The following ENOSF1 variants were observed in gnomAD, a reference collection of about 807,000 sequenced individuals.
The protein encoded by ENOSF1 is enolase superfamily member 1.
In ENOSF1, 73 loss-of-function variants were observed where a neutral mutation model predicts 68.2. The observed-to-expected ratio is 1.07, with a 90% CI of 0.89 to 1.30. The LOEUF is 1.30. Among genes scored for constraint, ENOSF1 ranks in the 50% most tolerant of loss-of-function variants. ENOSF1 has a pLI of 0.00. For missense variants in ENOSF1, 589 were observed against 554.5 expected (o/e 1.06, Z -0.62); for synonymous variants, 223 against 210.4 (o/e 1.06, Z -0.52).
downstream of ENOSF1, chr18:669,310 G>C: frequency 1.6e-6 from 1 of 627,584 alleles, no homozygotes; most frequent in South Asian, 2.2e-5. Flanking sequence ...TGTGACGTTG[G>C]GCAAGTCACA....
chr18:675,357 G>C lies in ENOSF1; in HGVS notation c.1194C>G (p.Pro398=), dbSNP rs748359200. The change falls in exon 15 of 16, where the codon CCC becomes CCG. Residue 398 remains proline, a synonymous_variant. Coordinates refer to ENST00000647584, the MANE Select transcript of ENOSF1 (RefSeq NM_017512.7). ...VDHLHEHFKY[P]VMIQRASYMP... ...TGTAGGAAGCCCGCTGGATCATCAC[G>C]GGATACTTGAAATGCTCATGCAGGT... 1.2e-6 allele frequency: 2 copies of C among 1,612,932 alleles called. No homozygotes were observed. Among genetic ancestry groups the C allele is most frequent in the Non-Finnish European group, 1.7e-6 (2 of 1,179,766 alleles).
At position 671,830 on chromosome 18, in the gene ENOSF1, T is replaced by C. The variant is rs986331803; in HGVS notation, c.*2475A>G. ...TCTTTCTCTGTCGGCCAGGCTGGAG[T>C]GTGCCGTGGTGCGATCTCAGCTCAC... On this transcript the variant is annotated 3_prime_UTR_variant, in exon 16 of 16. Transcript: ENST00000647584. 15 of 226,926 alleles carry C rather than the reference T, an allele frequency of 6.6e-5. No individual in the cohort carries two copies. Among genetic ancestry groups the C allele is most frequent in the African/African-American group, 3.1e-4 (13 of 41,868 alleles). 14.1% of individuals were successfully genotyped at this position (226,926 alleles called of 1,614,324 possible).
intron 8 of ENOSF1, among the ~76,000 whole-genome samples, chr18:689,567 C>T (rs1238448951): frequency 3.9e-5 from 6 of 152,190 alleles, no homozygotes; most frequent in Admixed American, 3.3e-4. Flanking sequence ...TAGGCGTGAG[C>T]CACTGCCCTC....
the ENOSF1 span, among the ~76,000 whole-genome samples, chr18:664,126 A>G: frequency 6.6e-6 from 1 of 150,880 alleles, no homozygotes; most frequent in Admixed American, 6.6e-5. Flanking sequence ...CATTTTCACG[A>G]TATTGATTCT....
Position 672,705 on chromosome 18 carries a change from A to G in ENOSF1, c.*1600T>C. On this transcript the variant is annotated 3_prime_UTR_variant, in exon 16 of 16. Transcript: ENST00000647584. The stretch of plus-strand genomic sequence containing the variant: ...GAGAACAGCTGGTTGCGCTCCAATC[A>G]TGTTACATAACCTACGGCAAGGTAT... 2.7e-6 allele frequency: 2 copies of G among 749,926 alleles called. No individual in the cohort carries two copies. Among genetic ancestry groups the G allele is most frequent in the Non-Finnish European group, 4.1e-6 (2 of 489,714 alleles). The allele number at this position is 749,926 out of a possible 1,614,324, so 46.5% of individuals were successfully genotyped here. A position where few individuals can be genotyped will look rare whatever the true frequency, so the allele number is the denominator to read the frequency against.
chr18:682,230 C>T (rs1219250114), intron 11 of ENOSF1, among the ~76,000 whole-genome samples: 1 of 152,120 alleles, frequency 6.6e-6, no homozygotes, highest in Non-Finnish European at 1.5e-5. Flanking sequence ...GAGTGTACGT[C>T]CATGACCCTA....
intron 1 of ENOSF1, chr18:712,290 G>T: frequency 2.6e-6 from 4 of 1,526,458 alleles, no homozygotes; most frequent in South Asian, 2.4e-5. Flanking sequence ...TCGAAGTCGG[G>T]AAGCTGCCCG....
At position 671,308 on chromosome 18, in the gene ENOSF1, C is replaced by A; in HGVS notation, c.*2997G>T. 3 of 1,025,476 alleles carry A rather than the reference C, an allele frequency of 2.9e-6. No individual in the cohort carries two copies. Among genetic ancestry groups the A allele is most frequent in the Non-Finnish European group, 3.1e-6 (2 of 646,952 alleles). The allele number at this position is 1,025,476 out of a possible 1,614,324, so 63.5% of individuals were successfully genotyped here. A position where few individuals can be genotyped will look rare whatever the true frequency, so the allele number is the denominator to read the frequency against. ...AAAAGCCTTGCGGTGTCTGCATATT[C>A]TAATGTTTTTAAATGATGTTTTAAA... On this transcript the variant is annotated 3_prime_UTR_variant, in exon 16 of 16. Transcript: ENST00000647584.
At chr18:679,961 G>A (rs2075909098) in intron 11 of ENOSF1, among the ~76,000 whole-genome samples, 1 of 152,274 alleles carries the variant, frequency 6.6e-6, no homozygotes, top group African/African-American at 2.4e-5. Context: ...CAATCCAATG[G>A]GAGAGGAGCC....
At chr18:711,173 A>G (rs149120132) in intron 1 of ENOSF1, among the ~76,000 whole-genome samples, 31 of 152,268 alleles carry the variant, frequency 2.0e-4, no homozygotes, top group African/African-American at 7.5e-4. Flanking sequence ...CCTGCCTCAA[A>G]ATAAATAAAT....
At chr18:685,158 G>A (rs2847156) in intron 10 of ENOSF1, among the ~76,000 whole-genome samples, 1 of 151,750 alleles carries the variant, frequency 6.6e-6, no homozygotes, top group Admixed American at 6.6e-5. Context: ...GCCATATAAT[G>A]CTAACACTTT....
the ENOSF1 span, among the ~76,000 whole-genome samples, chr18:663,119 T>G: frequency 2.1e-5 from 2 of 96,950 alleles, 1 homozygote; most frequent in African/African-American, 1.3e-4. Context: ...TGAACTAGTT[T>G]ACAGTCCCAC....
At chr18:703,183 C>T (rs2078556201) in intron 2 of ENOSF1, among the ~76,000 whole-genome samples, 1 of 152,114 alleles carries the variant, frequency 6.6e-6, no homozygotes, top group African/African-American at 2.4e-5. Context: ...GTTGATTTAT[C>T]CGTGCCTGAG....
chr18:683,311 T>C lies in ENOSF1; in HGVS notation c.811A>G (p.Lys271Glu), dbSNP rs1175306470. The C allele has an allele frequency of 6.2e-7, 1 of 1,614,144 alleles. No individual in the cohort carries two copies. Among genetic ancestry groups the C allele is most frequent in the Admixed American group, 1.7e-5 (1 of 60,030 alleles). ...GTTGGCTCCTCAATCCACAATGGCT[T>C]GAACTTGGCCAGCTTGGACATCCAC... Reference protein sequence around the residue: ...VEWMSKLAKFKPLWIEEPTSP... With the variant: ...VEWMSKLAKFEPLWIEEPTSP... The change falls in exon 11 of 16, where the codon AAG becomes GAG. Residue 271 changes from lysine to glutamate, a missense_variant. Coordinates refer to ENST00000647584, the MANE Select transcript of ENOSF1 (RefSeq NM_017512.7).
rs763249587 is a variant in ENOSF1, at chr18:688,618, A to G, written c.619-10T>C. On this transcript the variant is annotated splice_polypyrimidine_tract_variant and intron_variant, in intron 8 of 15. Coordinates refer to ENST00000647584, the MANE Select transcript of ENOSF1 (RefSeq NM_017512.7). Reference sequence around the variant, plus strand: ...GCGCCTGGGCACAGAGCTGTGGGAAAGGAGCACAGGGTCACACACTGGAGA... The same window carrying G: ...GCGCCTGGGCACAGAGCTGTGGGAAGGGAGCACAGGGTCACACACTGGAGA... 1.2e-6 allele frequency: 2 copies of G among 1,613,722 alleles called. No individual in the cohort carries two copies. The highest frequency in any genetic ancestry group is 2.2e-5 in the South Asian group (2 of 91,068).
At chr18:689,656 A>G (rs2076954550) in intron 8 of ENOSF1, among the ~76,000 whole-genome samples, 1 of 152,180 alleles carries the variant, frequency 6.6e-6, no homozygotes, top group South Asian at 2.1e-4. Context: ...CCCATGTGAC[A>G]TAAGAAGGAA....
At chr18:712,283 A>T in intron 1 of ENOSF1, 1 of 1,530,214 alleles carries the variant, frequency 6.5e-7, no homozygotes. Context: ...AATGGGTTCG[A>T]AGTCGGGAAG....
At chr18:700,915 CAA>C (rs1491268924) in intron 2 of ENOSF1, among the ~76,000 whole-genome samples, 2 of 79,324 alleles carry the variant, frequency 2.5e-5, no homozygotes, top group East Asian at 6.5e-4. Flanking sequence ...AAAAAAAAAA[CAA>C]GAGAAATTTT....
chr18:667,151 ATGGTGATGGAGATGGT>A (rs1567990098), downstream of ENOSF1, among the ~76,000 whole-genome samples: 2 of 99,734 alleles, frequency 2.0e-5, no homozygotes, highest in Admixed American at 1.8e-4. Flanking sequence ...GGTGATGGTG[ATGGTGATGGAGATGGT>A]GATGGTGATG....
Sources: allele counts gnomAD v4.1 joint callset (sites outside exome capture counted in the v4.1 genomes callset), GRCh38; gene constraint gnomAD v4.1.1; transcripts MANE v1.5; gene names NCBI Gene and HGNC (gene_info 2026-07-23, HGNC 2026-07-21).